The following U2AF2 variants were observed in gnomAD, a reference collection of about 807,000 sequenced individuals.
The protein encoded by U2AF2 is splicing factor U2AF 65 kDa subunit.
U2AF2 carries 6 observed loss-of-function variants against 52.6 expected under a neutral mutation model. That is an observed-to-expected ratio of 0.11 (90% CI 0.06 to 0.23). U2AF2 has a LOEUF of 0.23. Ranked by LOEUF, U2AF2 falls within the 10% of genes least tolerant of loss-of-function variation. The pLI, the probability that U2AF2 is intolerant of heterozygous loss-of-function variation, is 1.00. For synonymous variants in U2AF2, 284 were observed against 258.2 expected, an observed-to-expected ratio of 1.10 and a Z score of -0.96; for missense variants, 222 against 677.1, an observed-to-expected ratio of 0.33 and a Z score of 7.46.
rs1984722875 is a variant in U2AF2 at position 55,669,112 on chromosome 19, G to A, written c.975G>A (p.Leu325=). 2 of 1,613,758 alleles carry A rather than the reference G, an allele frequency of 1.2e-6. No individual in the cohort carries two copies. The highest frequency in any genetic ancestry group is 1.7e-5 in the Admixed American group (1 of 60,018). ...QAIAGLNGMQ[L]GDKKLLVQRA... The stretch of plus-strand genomic sequence containing the variant: ...TTGCGGGGCTGAACGGCATGCAGCT[G>A]GGGGATAAGAAGCTGCTGGTCCAGA... The change falls in exon 10 of 12, where the codon CTG becomes CTA. Residue 325 remains leucine (L), a synonymous_variant. Transcript: ENST00000308924.
chr19:55,671,102 CA>C (rs1379074421), intron 11 of U2AF2, among the ~76,000 whole-genome samples: 2 of 152,114 alleles, frequency 1.3e-5, no homozygotes, highest in African/African-American at 4.8e-5. Context: ...AAGGAGAAAA[CA>C]GGACTGTGGT....
At chr19:55,660,113 G>A (rs1190934241) in intron 2 of U2AF2, 64 bp from the exon 3 acceptor site, 16 of 1,519,304 alleles carry the variant, frequency 1.1e-5, no homozygotes, top group East Asian at 2.3e-5. Flanking sequence ...GGGGGGGTGT[G>A]GCATGTGGGG....
chr19:55,670,958 G>A (rs1984879687), intron 11 of U2AF2, among the ~76,000 whole-genome samples: 2 of 152,194 alleles, frequency 1.3e-5, no homozygotes, highest in South Asian at 2.1e-4. Flanking sequence ...AGCTGGCAGG[G>A]TTGGTCTTGC....
rs749460723 is a variant in U2AF2 at position 55,660,213 on chromosome 19, T to C, written c.222T>C (p.Gly74=). 1 of 1,511,310 alleles carries C rather than the reference T, an allele frequency of 6.6e-7. No homozygotes were observed. Among genetic ancestry groups the C allele is most frequent in the Non-Finnish European group, 8.9e-7 (1 of 1,121,704 alleles). 93.6% of individuals were successfully genotyped at this position (1,511,310 alleles called of 1,614,324 possible). A position where few individuals can be genotyped will look rare whatever the true frequency, so the allele number is the denominator to read the frequency against. The change falls in exon 3 of 12, where the codon GGT becomes GGC. Residue 74 remains glycine, a synonymous_variant. Transcript: ENST00000308924. ...CCAGAGGCGCTAAAGAGGAGCACGG[T>C]GGACTGATGTGAGCTTCTCTTCCTG... ...PLTRGAKEEH[G]GLIRSPRHEK...
chr19:55,662,642 T>C (rs1275313599), intron 6 of U2AF2, 24 bp downstream of exon 6: 1 of 1,599,194 alleles, frequency 6.3e-7, no homozygotes, highest in African/African-American at 1.3e-5. Flanking sequence ...GTGAGTGAGG[T>C]CCAGGAAACG....
At chr19:55,663,935 CG>C in intron 7 of U2AF2, 191 bp downstream of exon 7, 2 of 768,948 alleles carry the variant, frequency 2.6e-6, no homozygotes. Context: ...TGCCTAGGGC[CG>C]GGAGAATGAG....
intron 5 of U2AF2, 96 bp downstream of exon 5, chr19:55,661,285 C>T (rs986884530): frequency 7.8e-7 from 1 of 1,289,928 alleles, no homozygotes; most frequent in Admixed American, 2.9e-5. Flanking sequence ...ACGGGTCAGA[C>T]TCTGCTCCTG....
intron 7 of U2AF2, among the ~76,000 whole-genome samples, chr19:55,667,239 C>T (rs1984603171): frequency 1.3e-5 from 2 of 152,054 alleles, no homozygotes; most frequent in Admixed American, 6.6e-5. Flanking sequence ...ATGGGCACAG[C>T]GGCTCATGCT....
At position 55,659,342 on chromosome 19, in the gene U2AF2, G is replaced by A. The variant is rs962065682; in HGVS notation, c.182G>A (p.Arg61His). 22 of 1,526,232 alleles carry A rather than the reference G, an allele frequency of 1.4e-5. No homozygotes were observed. The highest frequency in any genetic ancestry group is 6.2e-5 in the Admixed American group (3 of 48,122). The allele number at this position is 1,526,232 out of a possible 1,614,324, so 94.5% of individuals were successfully genotyped here. A position where few individuals can be genotyped will look rare whatever the true frequency, so the allele number is the denominator to read the frequency against. The change falls in exon 2 of 12, where the codon CGC becomes CAC. Residue 61 changes from arginine (R) to histidine (H), a missense_variant. Physicochemically the swap from Arg to His is conservative, Grantham distance 29. Transcript: ENST00000308924. ...QRSASRDRRR[R>H]SKPLTRGAKE... ...AGCGCCTCCCGGGACAGGCGACGAC[G>A]CAGGTACTAGGGCTCAGGGATCCCC... is the stretch of plus-strand genomic sequence containing the variant.
In U2AF2 at chr19:55,669,641, C is replaced by T; in HGVS notation, c.1242C>T (p.Ser414=). ...DECSKYGLVK[S]IEIPRPVDGV... The stretch of plus-strand genomic sequence containing the variant: ...GCAGCAAGTACGGGCTTGTCAAGTC[C>T]ATCGAGATCCCCCGGCCTGTGGACG... The change falls in exon 11 of 12, where the codon TCC becomes TCT. Residue 414 remains serine, a synonymous_variant. Transcript: ENST00000308924. 4 of 1,612,892 alleles carry T rather than the reference C, an allele frequency of 2.5e-6. No individual in the cohort carries two copies. The highest frequency in any genetic ancestry group is 2.7e-5 in the African/African-American group (2 of 74,974).
chr19:55,672,538 A>T (rs1303445576), intron 11 of U2AF2, among the ~76,000 whole-genome samples: 1 of 152,138 alleles, frequency 6.6e-6, no homozygotes, highest in African/African-American at 2.4e-5. Context: ...CCCTGCTGAG[A>T]CACCCAAAAG....
chr19:55,670,845 C>G (rs1486109738), intron 11 of U2AF2: 1 of 158,672 alleles, frequency 6.3e-6, no homozygotes, highest in African/African-American at 2.4e-5. Context: ...GGAGGCACAG[C>G]AGGTACTTCC....
intron 6 of U2AF2, 86 bp downstream of exon 6, chr19:55,662,704 G>A (rs1984294761): frequency 3.2e-6 from 4 of 1,246,068 alleles, no homozygotes; most frequent in South Asian, 1.3e-5. Context: ...GAGCTGCCTT[G>A]TGCTGTTTCC....
intron 2 of U2AF2, 111 bp from the exon 3 acceptor site, chr19:55,660,066 C>G: frequency 1.0e-6 from 1 of 968,568 alleles, no homozygotes; most frequent in Admixed American, 2.8e-5. Context: ...TGCTTGTTGA[C>G]CTCGGCCCTG....
At chr19:55,663,949 G>T (rs1005073091) in intron 7 of U2AF2, 5 of 670,652 alleles carry the variant, frequency 7.5e-6, no homozygotes, top group African/African-American at 3.6e-5. Flanking sequence ...AGAATGAGCT[G>T]TCACCTGCTG....
At chr19:55,667,519 C>A (rs1021884480) in intron 7 of U2AF2, among the ~76,000 whole-genome samples, 1 of 152,170 alleles carries the variant, frequency 6.6e-6, no homozygotes, top group African/African-American at 2.4e-5. Context: ...GTCCAGAGTT[C>A]AGTGGATAGG....
At chr19:55,663,477 A>G (rs1278385061) in intron 6 of U2AF2, 129 bp from the exon 7 acceptor site, 2 of 1,420,218 alleles carry the variant, frequency 1.4e-6, no homozygotes, top group Non-Finnish European at 1.9e-6. Flanking sequence ...CCCAGTGCCC[A>G]GCCTGGGGCC....
rs895693648 is a variant in U2AF2, at chr19:55,674,002, C to T, written c.1362C>T (p.Phe454=). 8 of 1,613,898 alleles carry T rather than the reference C, an allele frequency of 5.0e-6. No individual in the cohort carries two copies. The highest frequency in any genetic ancestry group is 6.8e-6 in the Non-Finnish European group (8 of 1,179,978). Residue 454 remains phenylalanine (F), a synonymous_variant, in exon 12 of 12, where the codon TTC becomes TTT. Coordinates refer to ENST00000308924, the MANE Select transcript of U2AF2 (RefSeq NM_007279.3). ...TGCAGGGCCTGACGGGCCGCAAGTT[C>T]GCCAACAGAGTGGTTGTCACAAAAT... ...KAMQGLTGRK[F]ANRVVVTKYC...
intron 9 of U2AF2, 35 bp from the exon 10 acceptor site, chr19:55,669,048 C>T (rs1019451822): frequency 1.9e-6 from 3 of 1,603,578 alleles, no homozygotes; most frequent in African/African-American, 1.3e-5. Flanking sequence ...CCCACCTCTC[C>T]CCGCACCCCC....
Sources: gnomAD v4.1 joint callset for allele counts (sites outside exome capture counted in the v4.1 genomes callset) on GRCh38, gnomAD v4.1.1 for gene constraint, MANE v1.5 for transcripts, NCBI Gene and HGNC (gene_info 2026-07-23, HGNC 2026-07-21) for gene names.